QKI: variants seen among roughly 807,000 people sequenced by gnomAD.
QKI encodes QKI, KH domain containing RNA binding, also known as KH domain-containing RNA-binding protein QKI.
QKI carries 10 observed loss-of-function variants against 39.0 expected under a neutral mutation model. That is an observed-to-expected ratio of 0.26 (90% CI 0.16 to 0.43). QKI has a LOEUF of 0.43. Among genes scored for constraint, QKI ranks in the 20% least tolerant of loss-of-function variants. The probability of loss-of-function intolerance (pLI) is 1.00; values close to 1 mark genes in which losing one functional copy is unlikely to be tolerated. For missense variants in QKI, 218 were observed against 428.0 expected (o/e 0.51, Z 4.33); for synonymous variants, 204 against 155.4 (o/e 1.31, Z -2.33).
chr6:163,565,084 G>A, intron 6 of QKI: 1 of 1,039,160 alleles, frequency 9.6e-7, no homozygotes, highest in Non-Finnish European at 1.2e-6. Context: ...CATTGTACAT[G>A]TTTTCTGTTT....
At chr6:163,428,952 A>C (rs996346470) in intron 1 of QKI, 2 of 152,106 alleles carry the variant, frequency 1.3e-5, no homozygotes, top group African/African-American at 4.8e-5. Context: ...CTTTTCTGTT[A>C]TTCCTAAAAT....
At chr6:163,548,062 G>A (rs530472088) in intron 4 of QKI, among the ~76,000 whole-genome samples, 1 of 152,156 alleles carries the variant, frequency 6.6e-6, no homozygotes, top group South Asian at 2.1e-4. Context: ...GTTTGTTTAC[G>A]TAGTGTATTT....
chr6:163,461,820 C>T (rs1259134319), intron 2 of QKI, among the ~76,000 whole-genome samples: 1 of 152,166 alleles, frequency 6.6e-6, no homozygotes, highest in Non-Finnish European at 1.5e-5. Flanking sequence ...GAATCTTCCT[C>T]ATCCTAACCC....
chr6:163,566,754 T>C lies in QKI; in HGVS notation c.968T>C (p.Met323Thr), dbSNP rs755896855. The C allele has an allele frequency of 4.0e-5, 64 of 1,613,788 alleles. No individual in the cohort carries two copies. The highest frequency in any genetic ancestry group is 2.5e-4 in the Admixed American group (15 of 59,976). The change falls in exon 7 of 8, where the codon ATG (methionine) becomes ACG (threonine). Residue 323 changes from methionine (M) to threonine (T), a missense_variant. Transcript: ENST00000361752. ...GCTACTAAAGTTCGAAGGCACGATATGCGTGTCCATCCTTACCAAAGGATT... is the reference window on the plus strand; with the variant it reads ...GCTACTAAAGTTCGAAGGCACGATACGCGTGTCCATCCTTACCAAAGGATT... ...AVATKVRRHD[M>T]RVHPYQRIVT...
At chr6:163,416,917 A>T (rs1369207315) in intron 1 of QKI, among the ~76,000 whole-genome samples, 10 of 7,500 alleles carry the variant, frequency 1.3e-3, no homozygotes, top group Admixed American at 5.0e-3. Flanking sequence ...TGGAATGTCA[A>T]AAAAAAAAAA....
intron 7 of QKI, 200 bp from the exon 8 acceptor site, chr6:163,570,494 A>G (rs1406591176): frequency 1.0e-6 from 1 of 977,416 alleles, no homozygotes; most frequent in Non-Finnish European, 1.2e-6. Context: ...TGTTCAAATC[A>G]TGATACGAAA....
At chr6:163,448,592 T>C (rs1050710344) in intron 1 of QKI, among the ~76,000 whole-genome samples, 1 of 151,632 alleles carries the variant, frequency 6.6e-6, no homozygotes, top group South Asian at 2.1e-4. Context: ...ATAAATTAGC[T>C]GACCATGGTG....
Position 163,577,004 on chromosome 6 carries a change from A to T in QKI, c.*6294A>T, listed in dbSNP as rs1346626941. On this transcript the variant is annotated 3_prime_UTR_variant, in exon 8 of 8. Transcript: ENST00000361752. ...TTTTTATGTAGTTTTCGAATGTAAG[A>T]AGAAAGGAATGCTGACCAAAACTTG... 1 of 152,126 alleles carries T rather than the reference A, an allele frequency of 6.6e-6. No individual in the cohort carries two copies. The highest frequency in any genetic ancestry group is 1.5e-5 in the Non-Finnish European group (1 of 68,032). The allele number at this position is 152,126 out of a possible 1,614,324, so 9.4% of individuals were successfully genotyped here.
intron 1 of QKI, among the ~76,000 whole-genome samples, chr6:163,447,835 G>A (rs1216341448): frequency 6.6e-6 from 1 of 152,078 alleles, no homozygotes; most frequent in Non-Finnish European, 1.5e-5. Flanking sequence ...GCAGTGTTTT[G>A]ATGTAAGCTT....
Position 163,563,331 on chromosome 6 carries a change from TTC to T in QKI, c.635-88_635-87del. 5 of 1,232,412 alleles carry T rather than the reference TTC, an allele frequency of 4.1e-6. No homozygotes were observed. The South Asian group carries it at 6.1e-5, about 15-fold the overall frequency. The allele number at this position is 1,232,412 out of a possible 1,614,324, so 76.3% of individuals were successfully genotyped here. ...CTTTTATTTTTCTTCTTTCCTGCTT[TTC>T]CTTTCTTTTTCCTACTCCCTTCTCA... On this transcript the variant is annotated intron_variant, in intron 5 of 7. Transcript: ENST00000361752.
chr6:163,495,919 TGTCACC>T (rs1212849413), intron 3 of QKI, among the ~76,000 whole-genome samples: 35 of 152,332 alleles, frequency 2.3e-4, no homozygotes, highest in African/African-American at 7.7e-4. Flanking sequence ...AGTTATGTAT[TGTCACC>T]GTAAAGGTAA....
chr6:163,523,728 A>G (rs1414573864), intron 3 of QKI, among the ~76,000 whole-genome samples: 1 of 152,232 alleles, frequency 6.6e-6, no homozygotes, highest in East Asian at 1.9e-4. Flanking sequence ...AAAATATCAT[A>G]AAAGATGTGC....
chr6:163,522,237 A>G (rs920841455), intron 3 of QKI, among the ~76,000 whole-genome samples: 2 of 152,128 alleles, frequency 1.3e-5, no homozygotes, highest in Non-Finnish European at 2.9e-5. Flanking sequence ...CACTCCCTCA[A>G]TTGCAAATAA....
chr6:163,487,400 A>G (rs1777750752), intron 3 of QKI, among the ~76,000 whole-genome samples: 1 of 152,212 alleles, frequency 6.6e-6, no homozygotes, highest in African/African-American at 2.4e-5. Context: ...TTTATTAGCT[A>G]TCTCTAAAAT....
chr6:163,539,395 A>AT (rs1024132309), intron 4 of QKI, among the ~76,000 whole-genome samples: 16 of 152,010 alleles, frequency 1.1e-4, no homozygotes, highest in Admixed American at 1.3e-4. Flanking sequence ...AAGAACCGGG[A>AT]TTTTTTCCCT....
At chr6:163,438,936 T>C (rs1246153244) in intron 1 of QKI, among the ~76,000 whole-genome samples, 3 of 152,252 alleles carry the variant, frequency 2.0e-5, no homozygotes, top group African/African-American at 7.2e-5. Flanking sequence ...AAATACATTA[T>C]ACAGCTGTAC....
At chr6:163,566,174 G>T in intron 6 of QKI, 1 of 1,374,254 alleles carries the variant, frequency 7.3e-7, no homozygotes, top group Non-Finnish European at 9.4e-7. Context: ...ATAAAGGAGT[G>T]TATAGTAGTA....
At chr6:163,529,107 A>G (rs1188144446) in intron 3 of QKI, among the ~76,000 whole-genome samples, 1 of 152,176 alleles carries the variant, frequency 6.6e-6, no homozygotes, top group Non-Finnish European at 1.5e-5. Context: ...TATTGTAGAA[A>G]ATCTGGGAGA....
intron 1 of QKI, among the ~76,000 whole-genome samples, chr6:163,431,871 C>T (rs181932803): frequency 8.7e-4 from 129 of 148,340 alleles, no homozygotes; most frequent in African/African-American, 3.0e-3. Flanking sequence ...AATTTTAAAG[C>T]GGGTGTGGAT....
Sources: gnomAD v4.1 joint callset for allele counts (sites outside exome capture counted in the v4.1 genomes callset) on GRCh38, gnomAD v4.1.1 for gene constraint, MANE v1.5 for transcripts, NCBI Gene and HGNC (gene_info 2026-07-23, HGNC 2026-07-21) for gene names.